Variants in ACE observed in about 807,000 individuals in gnomAD.
ACE encodes the protein angiotensin-converting enzyme.
In ACE, 122 loss-of-function variants were observed where a neutral mutation model predicts 162.3. The ratio of observed to expected loss-of-function variants is 0.75; its 90% confidence interval spans 0.65 to 0.87. The LOEUF (loss-of-function observed/expected upper bound fraction) is 0.87. ACE is among the 40% of genes least tolerant of loss of function. The pLI is 0.00. For synonymous variants in ACE, 796 were observed against 720.6 expected (o/e 1.10, Z -1.68); for missense variants, 1,799 against 1,735.1 (o/e 1.04, Z -0.65).
In ACE at chr17:63,497,126, T is replaced by C. The variant is rs764454809; in HGVS notation, c.3692-11T>C. The stretch of plus-strand genomic sequence containing the variant: ...TGCCCTGCCCATGCTGTCTCCTTGC[T>C]TCCCGCTCAGCTCGCTCAGAAGGGC... On this transcript the variant is annotated splice_polypyrimidine_tract_variant and intron_variant, in intron 24 of 24. Coordinates refer to ENST00000290866, the MANE Select transcript of ACE (RefSeq NM_000789.4). 1.9e-6 allele frequency: 3 copies of C among 1,602,322 alleles called. No individual in the cohort carries two copies. Among genetic ancestry groups the C allele is most frequent in the African/African-American group, 2.7e-5 (2 of 74,750 alleles).
chr17:63,481,854 A>T, intron 7 of ACE, 116 bp downstream of exon 7: 1 of 1,370,328 alleles, frequency 7.3e-7, no homozygotes, highest in African/African-American at 1.4e-5. Flanking sequence ...CTACCCCAGC[A>T]CTGGTTGGAG....
At chr17:63,494,570 G>A in intron 22 of ACE, 100 bp downstream of exon 22, 1 of 1,138,820 alleles carries the variant, frequency 8.8e-7, no homozygotes, top group Non-Finnish European at 1.3e-6. Flanking sequence ...GTCAGTCAGG[G>A]CAGACCCGGG....
In ACE at chr17:63,479,756, G is replaced by C. The variant is rs762008782; in HGVS notation, c.512-13G>C. 8 of 1,612,920 alleles carry C rather than the reference G, an allele frequency of 5.0e-6. No homozygotes were observed. In the Admixed American group the frequency reaches 1.3e-4, roughly 27 times the overall value. Reference sequence around the variant, plus strand: ...GGAGGCCTCCTCACCGACCCTGCCTGCCTGTGTCTCAGATCTCACCAACAT... The same window carrying C: ...GGAGGCCTCCTCACCGACCCTGCCTCCCTGTGTCTCAGATCTCACCAACAT... On this transcript the variant is annotated splice_polypyrimidine_tract_variant and intron_variant, in intron 3 of 24. Coordinates refer to ENST00000290866, the MANE Select transcript of ACE (RefSeq NM_000789.4).
rs928661657 is a variant in ACE at position 63,497,820 on chromosome 17, C to T, written c.*454C>T. 1 of 349,260 alleles carries T rather than the reference C, an allele frequency of 2.9e-6. No individual in the cohort carries two copies. The highest frequency in any genetic ancestry group is 5.5e-6 in the Non-Finnish European group (1 of 180,482). The allele number at this position is 349,260 out of a possible 1,614,324, so 21.6% of individuals were successfully genotyped here. Reference sequence around the variant, plus strand: ...CCAGCCCAGGCAGCCCGCCACTGTCCTGCCACCGCAGGCAGCCCCTGTCTG... The same window carrying T: ...CCAGCCCAGGCAGCCCGCCACTGTCTTGCCACCGCAGGCAGCCCCTGTCTG... On this transcript the variant is annotated 3_prime_UTR_variant, in exon 25 of 25. Coordinates refer to ENST00000290866, the MANE Select transcript of ACE (RefSeq NM_000789.4).
At position 63,484,668 on chromosome 17, in the gene ACE, A is replaced by T; in HGVS notation, c.1921+127A>T. 2.1e-6 allele frequency: 3 copies of T among 1,436,508 alleles called. No individual in the cohort carries two copies. Among genetic ancestry groups the T allele is most frequent in the Admixed American group, 2.4e-5 (1 of 41,352 alleles). The allele number at this position is 1,436,508 out of a possible 1,614,324, so 89.0% of individuals were successfully genotyped here. On this transcript the variant is annotated intron_variant, in intron 12 of 24. Transcript: ENST00000290866. The surrounding 1 kb of genome is among the most constrained non-coding windows in gnomAD (Gnocchi z 4.0). Reference sequence around the variant, plus strand: ...GGTACCCTGTCCTGGAGGGCCAGGCAGCCCCCCAAGCTCATCAGCAGGGCC... The same window carrying T: ...GGTACCCTGTCCTGGAGGGCCAGGCTGCCCCCCAAGCTCATCAGCAGGGCC...
At chr17:63,496,286 G>T (rs905167690) in intron 22 of ACE, 108 bp from the exon 23 acceptor site, 9 of 1,534,918 alleles carry the variant, frequency 5.9e-6, no homozygotes, top group Admixed American at 1.7e-5. Flanking sequence ...TCTGCTGTGC[G>T]CATGTGACTT....
chr17:63,478,683 A>G, intron 2 of ACE: 1 of 420,636 alleles, frequency 2.4e-6, no homozygotes, highest in Non-Finnish European at 4.5e-6. Context: ...GAGAGAGAAA[A>G]GGTTGAGAAA....
rs2049729100 is a variant in ACE at position 63,482,610 on chromosome 17, G to A, written c.1263G>A (p.Gly421=). 3.1e-6 allele frequency: 5 copies of A among 1,613,958 alleles called. No homozygotes were observed. Among genetic ancestry groups the A allele is most frequent in the Non-Finnish European group, 4.2e-6 (5 of 1,180,012 alleles). The change falls in exon 8 of 25, where the codon GGG becomes GGA. Residue 421 remains glycine (G), a synonymous_variant. Coordinates refer to ENST00000290866, the MANE Select transcript of ACE (RefSeq NM_000789.4). ...GANPGFHEAI[G]DVLALSVSTP... ...ACCCCGGCTTCCATGAGGCCATTGGGGACGTGCTGGCGCTCTCGGTCTCCA... is the reference window on the plus strand; with the variant it reads ...ACCCCGGCTTCCATGAGGCCATTGGAGACGTGCTGGCGCTCTCGGTCTCCA...
rs1291258688 is a variant in ACE at position 63,496,911 on chromosome 17, A to C, written c.3617A>C (p.Asp1206Ala). 6.2e-7 allele frequency: 1 copy of C among 1,613,572 alleles called. No individual in the cohort carries two copies. The highest frequency in any genetic ancestry group is 1.3e-5 in the African/African-American group (1 of 74,928). The change falls in exon 24 of 25, where the codon GAC (aspartate) becomes GCC (alanine). Residue 1206 changes from aspartate (D) to alanine (A), a missense_variant. Transcript: ENST00000290866. ...TTGAGCTACTTCAAGCCGCTGCTGG[A>C]CTGGCTCCGCACGGAGAACGAGCTG... ...AMLSYFKPLLDWLRTENELHG... is the reference protein window; with the variant it reads ...AMLSYFKPLLAWLRTENELHG...
At chr17:63,496,022 G>A (rs1213657411) in intron 22 of ACE, 5 of 339,892 alleles carry the variant, frequency 1.5e-5, no homozygotes, top group East Asian at 7.4e-5. Context: ...AGATCCACAC[G>A]GCCCATTTGG....
At chr17:63,485,913 C>A in intron 13 of ACE, 1 of 199,572 alleles carries the variant, frequency 5.0e-6, no homozygotes, top group Non-Finnish European at 1.0e-5. Context: ...GGAGACTAGC[C>A]TGGGCAACAT....
Position 63,481,114 on chromosome 17 carries a change from GA to G in ACE, c.875del (p.Asn292ThrfsTer164). On this transcript the variant is annotated frameshift_variant, in exon 6 of 25. Coordinates refer to ENST00000290866, the MANE Select transcript of ACE (RefSeq NM_000789.4). LOFTEE classifies it high-confidence loss of function. ...AGGAGACATGTGGGCCCAGAGCTGG[GA>G]AAACATCTACGACATGGTGGTGCCT... is the stretch of plus-strand genomic sequence containing the variant. The part of the protein sequence containing the change: ...LLGDMWAQSW[E>X]NIYDMVVPFP... 6.2e-7 allele frequency: 1 copy of G among 1,612,070 alleles called. No homozygotes were observed. Among genetic ancestry groups the G allele is most frequent in the South Asian group, 1.1e-5 (1 of 91,060 alleles).
In ACE at chr17:63,483,796, C is replaced by T; in HGVS notation, c.1587-53C>T. On this transcript the variant is annotated intron_variant, in intron 10 of 24. Transcript: ENST00000290866. The stretch of plus-strand genomic sequence containing the variant: ...AGCTGGATGGTGCCTGGGTAAGGAA[C>T]CCCTGTTCCTGGCCCCCCATGATCT... The T allele has an allele frequency of 3.1e-6, 5 of 1,612,956 alleles. No homozygotes were observed. In the South Asian group the frequency reaches 4.4e-5, roughly 14 times the overall value.
chr17:63,494,366 C>G lies in ACE; in HGVS notation c.3282-6C>G, dbSNP rs781388092. 1.2e-6 allele frequency: 2 copies of G among 1,613,354 alleles called. No homozygotes were observed. Among genetic ancestry groups the G allele is most frequent in the East Asian group, 2.2e-5 (1 of 44,888 alleles). On this transcript the variant is annotated splice_region_variant and splice_polypyrimidine_tract_variant and intron_variant, in intron 21 of 24. Coordinates refer to ENST00000290866, the MANE Select transcript of ACE (RefSeq NM_000789.4). ...TCATCTTCCAACATATATTCCCACTCGACAGGCTGAAGTACCAGGGCCTCT... is the reference window on the plus strand; with the variant it reads ...TCATCTTCCAACATATATTCCCACTGGACAGGCTGAAGTACCAGGGCCTCT...
Position 63,484,641 on chromosome 17 carries a change from C to G in ACE, c.1921+100C>G, listed in dbSNP as rs2029863635. On this transcript the variant is annotated intron_variant, in intron 12 of 24. Transcript: ENST00000290866. The surrounding 1 kb of genome is among the most constrained non-coding windows in gnomAD (Gnocchi z 4.0). ...CTGGTCAGCTCCTACCAGCTGAGCC[C>G]TGGTACCCTGTCCTGGAGGGCCAGG... 5 of 1,473,280 alleles carry G rather than the reference C, an allele frequency of 3.4e-6. No individual in the cohort carries two copies. The South Asian group carries it at 6.7e-5, about 20-fold the overall frequency. 91.3% of individuals were successfully genotyped at this position (1,473,280 alleles called of 1,614,324 possible). A position where few individuals can be genotyped will look rare whatever the true frequency, so the allele number is the denominator to read the frequency against.
rs749210606 is a variant in ACE at position 63,486,542 on chromosome 17, C to A, written c.2059-15C>A. 5.0e-6 allele frequency: 8 copies of A among 1,613,764 alleles called. No homozygotes were observed. In the East Asian group the frequency reaches 1.6e-4, roughly 31 times the overall value. On this transcript the variant is annotated splice_polypyrimidine_tract_variant and intron_variant, in intron 13 of 24. Transcript: ENST00000290866. ...AGCTCCTGGGCCCTGTGACACCATCCCCCTGTGCCCTCAGCTGCAGAAGAA... is the reference window on the plus strand; with the variant it reads ...AGCTCCTGGGCCCTGTGACACCATCACCCTGTGCCCTCAGCTGCAGAAGAA...
At position 63,480,341 on chromosome 17, in the gene ACE, C is replaced by T; in HGVS notation, c.660C>T (p.Phe220=). The T allele has an allele frequency of 6.2e-7, 1 of 1,613,882 alleles. No homozygotes were observed. Among genetic ancestry groups the T allele is most frequent in the Non-Finnish European group, 8.5e-7 (1 of 1,180,028 alleles). Reference sequence around the variant, plus strand: ...ACCTCACCCCCACGCCCCCAGGCTTCACAGACACGGGGGCCTACTGGCGCT... The same window carrying T: ...ACCTCACCCCCACGCCCCCAGGCTTTACAGACACGGGGGCCTACTGGCGCT... ...LSNEAYKQDG[F]TDTGAYWRSW... The change falls in exon 5 of 25, where the codon TTC becomes TTT. Residue 220 remains phenylalanine (F), a synonymous_variant. Coordinates refer to ENST00000290866, the MANE Select transcript of ACE (RefSeq NM_000789.4).
chr17:63,497,156 C>G lies in ACE; in HGVS notation c.3711C>G (p.Leu1237=). ...GCTCAGCTCGCTCAGAAGGGCCCCT[C>G]CCAGACAGCGGCCGCGTCAGCTTCC... The part of the protein sequence containing the change: ...TPNSARSEGP[L]PDSGRVSFLG... The change falls in exon 25 of 25, where the codon CTC becomes CTG. Residue 1237 remains leucine (L), a synonymous_variant. Transcript: ENST00000290866. The G allele has an allele frequency of 6.2e-7, 1 of 1,604,438 alleles. No individual in the cohort carries two copies. The highest frequency in any genetic ancestry group is 8.5e-7 in the Non-Finnish European group (1 of 1,179,312).
rs766945182 is a variant in ACE at position 63,479,036 on chromosome 17, G to C, written c.447G>C (p.Arg149Ser). ...ACGCCCTGCTAAGCAACATGAGCAG[G>C]ATCTACTCCACCGCCAAGGTCTGCC... ...QYNALLSNMSRIYSTAKVCLP... is the reference protein window; with the variant it reads ...QYNALLSNMSSIYSTAKVCLP... Residue 149 changes from arginine to serine, a missense_variant, in exon 3 of 25, where the codon AGG (arginine) becomes AGC (serine). Arg to Ser is a moderately radical substitution (Grantham distance 110). Transcript: ENST00000290866. 6.2e-6 allele frequency: 10 copies of C among 1,613,358 alleles called. No individual in the cohort carries two copies. The East Asian group carries it at 2.0e-4, about 32-fold the overall frequency.
Sources: allele counts gnomAD v4.1 joint callset, GRCh38; gene constraint gnomAD v4.1.1; non-coding constraint Gnocchi (gnomAD v3.1); transcripts MANE v1.5; gene names NCBI Gene and HGNC (gene_info 2026-07-23, HGNC 2026-07-21).